The following RANBP17 variants were observed in gnomAD, a reference collection of about 807,000 sequenced individuals.
The protein encoded by RANBP17 is RAN binding protein 17.
A neutral mutation model predicts 141.2 loss-of-function variants in RANBP17; 158 were observed. The ratio of observed to expected loss-of-function variants is 1.12; its 90% confidence interval spans 0.98 to 1.28. The LOEUF (loss-of-function observed/expected upper bound fraction) is 1.28. Among genes scored for constraint, RANBP17 ranks in the 50% most tolerant of loss-of-function variants. RANBP17 has a pLI of 0.00. For missense variants in RANBP17, 1,438 were observed against 1,290.7 expected, an observed-to-expected ratio of 1.11 and a Z score of -1.75; for synonymous variants, 430 against 450.0, an observed-to-expected ratio of 0.96 and a Z score of 0.56.
chr5:170,911,379 C>A, intron 7 of RANBP17: 1 of 571,024 alleles, frequency 1.8e-6, no homozygotes, highest in South Asian at 2.2e-5. Context: ...AAATGGAGAG[C>A]AGATTTGGGA....
intron 14 of RANBP17, among the ~76,000 whole-genome samples, chr5:171,013,581 T>C (rs1454669010): frequency 2.6e-5 from 4 of 152,158 alleles, no homozygotes; most frequent in African/African-American, 9.7e-5. Context: ...TAACTATATA[T>C]GTGTAGATCT....
chr5:170,905,584 C>T (rs1441565507), intron 5 of RANBP17, among the ~76,000 whole-genome samples: 2 of 152,050 alleles, frequency 1.3e-5, no homozygotes, highest in Admixed American at 1.3e-4. Flanking sequence ...GAGTCCTCCA[C>T]CCCAGAGTAT....
chr5:170,864,205 TC>T (rs1159043941), intron 1 of RANBP17, among the ~76,000 whole-genome samples: 1 of 152,144 alleles, frequency 6.6e-6, no homozygotes, highest in African/African-American at 2.4e-5. Context: ...AGTTCCGTGT[TC>T]CCCATTACCT....
intron 14 of RANBP17, among the ~76,000 whole-genome samples, chr5:170,996,613 AG>A (rs1778833215): frequency 6.6e-6 from 1 of 152,196 alleles, no homozygotes; most frequent in Non-Finnish European, 1.5e-5. Flanking sequence ...TGTACTCAAA[AG>A]CACTTGCCGT....
intron 14 of RANBP17, among the ~76,000 whole-genome samples, chr5:171,095,620 G>A (rs1427193573): frequency 6.6e-6 from 1 of 152,164 alleles, no homozygotes; most frequent in Admixed American, 6.5e-5. Flanking sequence ...GCTTTGGAAG[G>A]TTGTAAGCTT....
chr5:171,003,608 G>A (rs1392566764), intron 14 of RANBP17, among the ~76,000 whole-genome samples: 1 of 152,292 alleles, frequency 6.6e-6, no homozygotes, highest in South Asian at 2.1e-4. Context: ...TGTTGAAGGA[G>A]CAGGAGGGTG....
chr5:170,991,877 T>G (rs1224445792), intron 14 of RANBP17, among the ~76,000 whole-genome samples: 1 of 151,998 alleles, frequency 6.6e-6, no homozygotes, highest in Non-Finnish European at 1.5e-5. Flanking sequence ...TTGAAAGAAT[T>G]ATGTGTAATC....
intron 14 of RANBP17, among the ~76,000 whole-genome samples, chr5:171,108,698 C>T (rs1581654920): frequency 6.6e-6 from 1 of 152,108 alleles, no homozygotes; most frequent in East Asian, 1.9e-4. Context: ...ATGCATGAGC[C>T]ACCACCCCCA....
rs1298976176 is a variant in RANBP17 at position 171,241,157 on chromosome 5, A to G, written c.2637+15A>G. The G allele has an allele frequency of 2.5e-6, 4 of 1,587,046 alleles. No individual in the cohort carries two copies. Among genetic ancestry groups the G allele is most frequent in the Non-Finnish European group, 3.5e-6 (4 of 1,157,268 alleles). ...GTGACTTGCTAGTAAGCAATCATGC[A>G]TCATGGGAGTGTTTGTATGAAATGT... is the stretch of plus-strand genomic sequence containing the variant. On this transcript the variant is annotated intron_variant, in intron 23 of 27. Transcript: ENST00000523189.
At chr5:171,014,785 G>A (rs1581400596) in intron 14 of RANBP17, among the ~76,000 whole-genome samples, 1 of 152,056 alleles carries the variant, frequency 6.6e-6, no homozygotes, top group Admixed American at 6.6e-5. Context: ...AGAGTTTCAT[G>A]TGGTATCATT....
chr5:171,267,698 G>A (rs112515589), intron 25 of RANBP17, among the ~76,000 whole-genome samples: 18,592 of 151,948 alleles, frequency 0.12, 1,449 homozygotes, highest in East Asian at 0.21. Context: ...TCCCAGCTAT[G>A]TGGGAGGCTG....
At chr5:171,291,223 C>T (rs1210357682) in intron 25 of RANBP17, among the ~76,000 whole-genome samples, 1 of 152,216 alleles carries the variant, frequency 6.6e-6, no homozygotes, top group Non-Finnish European at 1.5e-5. Context: ...TCATACAACT[C>T]TGCCTCAGAA....
intron 14 of RANBP17, among the ~76,000 whole-genome samples, chr5:171,090,182 T>C (rs1786130974): frequency 1.3e-5 from 2 of 152,192 alleles, no homozygotes; most frequent in Non-Finnish European, 2.9e-5. Flanking sequence ...GTTGAATGGC[T>C]TTGACCAAAA....
chr5:171,222,086 A>G (rs1763601047), intron 22 of RANBP17, among the ~76,000 whole-genome samples: 1 of 152,212 alleles, frequency 6.6e-6, no homozygotes, highest in Non-Finnish European at 1.5e-5. Flanking sequence ...GTGTCAGTAG[A>G]TGAGGGAATA....
intron 13 of RANBP17, among the ~76,000 whole-genome samples, chr5:170,964,228 G>C (rs1776355723): frequency 6.6e-6 from 1 of 152,222 alleles, no homozygotes; most frequent in East Asian, 1.9e-4. Context: ...TTGACTTTTT[G>C]AAATGTGTGT....
chr5:170,989,405 C>T (rs996154171), intron 14 of RANBP17, among the ~76,000 whole-genome samples: 3 of 151,606 alleles, frequency 2.0e-5, no homozygotes, highest in African/African-American at 7.3e-5. Flanking sequence ...CGAAATATTG[C>T]GAAAAGAATT....
intron 23 of RANBP17, 148 bp from the exon 24 acceptor site, chr5:171,242,534 C>T (rs1764944012): frequency 4.0e-6 from 3 of 757,092 alleles, no homozygotes; most frequent in South Asian, 3.8e-5. Context: ...TGGATTGGGA[C>T]TCATTATGTC....
intron 13 of RANBP17, among the ~76,000 whole-genome samples, chr5:170,967,457 A>G (rs1412935120): frequency 2.0e-5 from 3 of 152,004 alleles, no homozygotes; most frequent in Non-Finnish European, 2.9e-5. Flanking sequence ...TGTTAGCACA[A>G]GGTACTTGGC....
At chr5:171,020,704 C>A (rs1362622970) in intron 14 of RANBP17, among the ~76,000 whole-genome samples, 1 of 151,970 alleles carries the variant, frequency 6.6e-6, no homozygotes, top group African/African-American at 2.4e-5. Context: ...ATACAGCACA[C>A]CAGTGGGTCT....
Sources: gnomAD v4.1 joint callset for allele counts (sites outside exome capture counted in the v4.1 genomes callset) on GRCh38, gnomAD v4.1.1 for gene constraint, MANE v1.5 for transcripts, NCBI Gene and HGNC (gene_info 2026-07-23, HGNC 2026-07-21) for gene names.